WDR75: variants seen among roughly 807,000 people sequenced by gnomAD.
WDR75 encodes WD repeat-containing protein 75.
Under a neutral mutation model 106.1 loss-of-function variants are expected in WDR75, and 52 were observed. The observed-to-expected ratio is 0.49, with a 90% CI of 0.39 to 0.62. The LOEUF (loss-of-function observed/expected upper bound fraction) is 0.62, where lower values mean the gene tolerates loss of function less well. Ranked by LOEUF, WDR75 falls within the 20% of genes least tolerant of loss-of-function variation. The pLI, the probability that WDR75 is intolerant of heterozygous loss-of-function variation, is 0.00. For synonymous variants in WDR75, 333 were observed against 335.5 expected, an observed-to-expected ratio of 0.99 and a Z score of 0.08; for missense variants, 905 against 970.3, an observed-to-expected ratio of 0.93 and a Z score of 0.89.
At chr2:189,469,261 C>T (rs1687068693) in intron 15 of WDR75, 83 bp from the exon 16 acceptor site, 3 of 1,032,354 alleles carry the variant, frequency 2.9e-6, no homozygotes, top group East Asian at 2.5e-5. Context: ...CATAAGATTC[C>T]TCTTCCTAAG....
intron 2 of WDR75, chr2:189,450,004 A>G (rs1686582537): frequency 1.0e-6 from 1 of 985,268 alleles, no homozygotes; most frequent in African/African-American, 1.7e-5. Flanking sequence ...ACTGGGACAA[A>G]AGTAAGCCTA....
chr2:189,455,016 G>A (rs1023620947), intron 4 of WDR75, among the ~76,000 whole-genome samples: 1 of 152,056 alleles, frequency 6.6e-6, no homozygotes, highest in Admixed American at 6.6e-5. Flanking sequence ...CAAGATGGGT[G>A]GATCACTTGA....
intron 16 of WDR75, 151 bp from the exon 17 acceptor site, chr2:189,469,925 T>G: frequency 1.5e-6 from 1 of 672,028 alleles, no homozygotes; most frequent in East Asian, 2.7e-5. Context: ...AGGAACACAG[T>G]AGATACCTCT....
At chr2:189,467,211 G>A (rs1687020992) in intron 13 of WDR75, among the ~76,000 whole-genome samples, 1 of 151,970 alleles carries the variant, frequency 6.6e-6, no homozygotes, top group African/African-American at 2.4e-5. Context: ...CACAGTAAGA[G>A]GTTAATAACT....
chr2:189,450,357 G>A (rs1686590697), intron 2 of WDR75: 1 of 904,012 alleles, frequency 1.1e-6, no homozygotes, highest in South Asian at 5.5e-5. Context: ...GTTTTGTTTT[G>A]TTTGGTTTTG....
At position 189,441,537 on chromosome 2, in the gene WDR75, C is replaced by G. The variant is rs1194922779; in HGVS notation, c.45C>G (p.Ser15Arg). The G allele has an allele frequency of 6.4e-7, 1 of 1,564,674 alleles. No homozygotes were observed. Among genetic ancestry groups the G allele is most frequent in the Non-Finnish European group, 8.7e-7 (1 of 1,153,446 alleles). The change falls in exon 1 of 21, where the codon AGC (serine) becomes AGG (arginine). Residue 15 changes from serine to arginine, a missense_variant. By Grantham distance (110) the Ser-to-Arg change is moderately radical. Coordinates refer to ENST00000314761, the MANE Select transcript of WDR75 (RefSeq NM_032168.3). ...TCCGCGTGGTTCGTTGTGGCGGCAG[C>G]GAGTTGAACTTTAGGAGAGCTGTGT... ...ENIRVVRCGG[S>R]ELNFRRAVFS... is the part of the protein sequence containing the mutation.
chr2:189,450,829 C>T lies in WDR75; in HGVS notation c.217-74C>T. On this transcript the variant is annotated intron_variant, in intron 2 of 20. Transcript: ENST00000314761. ...ATGAATAGAAAATGCCCCTGATCAA[C>T]ATTTAATTATTCATTTGATATCTTG... The T allele has an allele frequency of 1.9e-6, 3 of 1,585,314 alleles. No homozygotes were observed. In the South Asian group the frequency reaches 3.5e-5, roughly 18 times the overall value.
Position 189,448,411 on chromosome 2 carries a change from A to G in WDR75, c.119A>G (p.Lys40Arg), listed in dbSNP as rs767969357. The G allele has an allele frequency of 6.2e-7, 1 of 1,613,584 alleles. No individual in the cohort carries two copies. The highest frequency in any genetic ancestry group is 1.1e-5 in the South Asian group (1 of 90,942). ...TTCTGTGTCTCTGGAGACTTTGTTA[A>G]AGTTTACAGCACAGTTACAGAAGAG... is the stretch of plus-strand genomic sequence containing the variant. ...YIFCVSGDFVKVYSTVTEECV... is the reference protein window; with the variant it reads ...YIFCVSGDFVRVYSTVTEECV... The change falls in exon 2 of 21, where the codon AAA becomes AGA. Residue 40 changes from lysine (K) to arginine (R), a missense_variant. Transcript: ENST00000314761.
chr2:189,472,914 AAAGTT>A (rs1302726198), intron 18 of WDR75, among the ~76,000 whole-genome samples: 1 of 152,176 alleles, frequency 6.6e-6, no homozygotes, highest in Non-Finnish European at 1.5e-5. Context: ...AGGAAAAAAA[AAAGTT>A]AAGAAATATC....
At chr2:189,459,315 A>C (rs776152201) in intron 7 of WDR75, 21 bp from the exon 8 acceptor site, 1 of 1,569,222 alleles carries the variant, frequency 6.4e-7, no homozygotes, top group South Asian at 1.1e-5. Flanking sequence ...TCAAAATAAG[A>C]GTTTTATCTT....
intron 7 of WDR75, 32 bp from the exon 8 acceptor site, chr2:189,459,304 G>C: frequency 6.5e-7 from 1 of 1,536,020 alleles, no homozygotes; most frequent in Non-Finnish European, 8.9e-7. Context: ...TAAACCTATG[G>C]TCAAAATAAG....
At chr2:189,467,722 A>AT (rs1687032336) in intron 14 of WDR75, 74 bp downstream of exon 14, 1 of 1,353,158 alleles carries the variant, frequency 7.4e-7, no homozygotes, top group East Asian at 2.6e-5. Flanking sequence ...TTTAGTAGTC[A>AT]TTTATGCCCT....
At chr2:189,464,966 A>G (rs917220388) in intron 11 of WDR75, 113 bp from the exon 12 acceptor site, 2 of 758,210 alleles carry the variant, frequency 2.6e-6, no homozygotes, top group African/African-American at 1.8e-5. Flanking sequence ...ATCTATTACT[A>G]TACAGTACAG....
chr2:189,468,086 G>A (rs969403186), intron 14 of WDR75, among the ~76,000 whole-genome samples: 6 of 152,104 alleles, frequency 3.9e-5, no homozygotes, highest in Admixed American at 6.6e-5. Context: ...TAATGAGATC[G>A]TCTCTAATTC....
At chr2:189,443,677 C>T (rs932946664) in intron 1 of WDR75, among the ~76,000 whole-genome samples, 1 of 151,840 alleles carries the variant, frequency 6.6e-6, no homozygotes, top group Non-Finnish European at 1.5e-5. Context: ...GTGGTTCTTG[C>T]AGCAATGGCA....
chr2:189,449,804 GATA>G (rs1558981687), intron 2 of WDR75: 1 of 983,976 alleles, frequency 1.0e-6, no homozygotes, highest in Non-Finnish European at 1.2e-6. Context: ...GACTTGGATA[GATA>G]ATATGGTTTT....
intron 11 of WDR75, 119 bp from the exon 12 acceptor site, chr2:189,464,960 A>G (rs141184619): frequency 9.2e-5 from 64 of 692,570 alleles, no homozygotes; most frequent in East Asian, 8.9e-4. Context: ...TTAAAAATCT[A>G]TTACTATACA....
chr2:189,452,770 A>G (rs113481940), intron 4 of WDR75, among the ~76,000 whole-genome samples: 4 of 152,264 alleles, frequency 2.6e-5, no homozygotes, highest in African/African-American at 9.6e-5. Flanking sequence ...ATCTATAGAA[A>G]TTTTCTGATC....
At chr2:189,466,627 G>A (rs1558988318) in intron 13 of WDR75, 45 bp downstream of exon 13, 1 of 1,552,526 alleles carries the variant, frequency 6.4e-7, no homozygotes, top group African/African-American at 1.4e-5. Context: ...ACAATTTTAG[G>A]AATTAATTTC....
Sources: allele counts gnomAD v4.1 joint callset (sites outside exome capture counted in the v4.1 genomes callset), GRCh38; gene constraint gnomAD v4.1.1; transcripts MANE v1.5; gene names NCBI Gene and HGNC (gene_info 2026-07-23, HGNC 2026-07-21).